The following BCKDHB variants were observed in gnomAD, a reference collection of about 807,000 sequenced individuals.
The protein encoded by BCKDHB is 2-oxoisovalerate dehydrogenase subunit beta, mitochondrial.
A neutral mutation model predicts 48.5 loss-of-function variants in BCKDHB; 41 were observed. The ratio of observed to expected loss-of-function variants is 0.85; its 90% CI spans 0.66 to 1.10. The LOEUF is 1.10. Ranked by LOEUF, BCKDHB falls within the 50% of genes least tolerant of loss-of-function variation. The pLI, the probability that BCKDHB is intolerant of heterozygous loss-of-function variation, is 0.00. For missense variants in BCKDHB, 496 were observed against 494.2 expected (o/e 1.00, Z -0.03); for synonymous variants, 201 against 174.8 (o/e 1.15, Z -1.18).
chr6:80,383,050 T>A, the BCKDHB span, among the ~76,000 whole-genome samples: 1 of 152,178 alleles, frequency 6.6e-6, no homozygotes, highest in East Asian at 1.9e-4. Context: ...TTGGCTCTGT[T>A]CCACATGTTC....
the BCKDHB span, among the ~76,000 whole-genome samples, chr6:80,421,086 C>T: frequency 6.6e-6 from 1 of 152,094 alleles, no homozygotes; most frequent in Non-Finnish European, 1.5e-5. Flanking sequence ...AATTGTAATT[C>T]CCACAAGTTG....
chr6:80,209,157 A>G (rs1050503105), intron 8 of BCKDHB, among the ~76,000 whole-genome samples: 1 of 151,938 alleles, frequency 6.6e-6, no homozygotes, highest in African/African-American at 2.4e-5. Context: ...ATGGAAGATA[A>G]TTATCTTACT....
intron 8 of BCKDHB, among the ~76,000 whole-genome samples, chr6:80,216,326 A>G (rs1029458395): frequency 2.6e-5 from 4 of 152,206 alleles, no homozygotes; most frequent in African/African-American, 7.2e-5. Flanking sequence ...ATATTTTATC[A>G]TATGTCAGGA....
chr6:80,439,377 A>G, the BCKDHB span, among the ~76,000 whole-genome samples: 2 of 152,244 alleles, frequency 1.3e-5, no homozygotes, highest in Non-Finnish European at 2.9e-5. Context: ...AGAAATTGAC[A>G]TATTCAAAAG....
intron 7 of BCKDHB, among the ~76,000 whole-genome samples, chr6:80,201,295 T>C (rs1415416633): frequency 1.3e-5 from 2 of 152,094 alleles, no homozygotes; most frequent in Non-Finnish European, 2.9e-5. Context: ...AATTAATGGA[T>C]CCATCACCAC....
At chr6:80,426,007 T>G in the BCKDHB span, among the ~76,000 whole-genome samples, 1 of 152,192 alleles carries the variant, frequency 6.6e-6, no homozygotes, top group African/African-American at 2.4e-5. Context: ...AGACTGAGCT[T>G]TTCCTCTCAA....
the BCKDHB span, among the ~76,000 whole-genome samples, chr6:80,399,317 G>A: frequency 1.3e-5 from 2 of 151,966 alleles, no homozygotes; most frequent in Middle Eastern, 3.4e-3. Flanking sequence ...CAAACTGTCC[G>A]TTTGCAAACA....
At chr6:80,412,604 C>A in the BCKDHB span, among the ~76,000 whole-genome samples, 1 of 152,032 alleles carries the variant, frequency 6.6e-6, no homozygotes, top group Non-Finnish European at 1.5e-5. Context: ...TATATACTTA[C>A]CTTCATCCAT....
At chr6:80,439,026 C>T in the BCKDHB span, among the ~76,000 whole-genome samples, 1 of 152,146 alleles carries the variant, frequency 6.6e-6, no homozygotes, top group Non-Finnish European at 1.5e-5. Flanking sequence ...CCTAATTGCT[C>T]CCTCATCCTC....
chr6:80,359,712 A>G, the BCKDHB span, among the ~76,000 whole-genome samples: 2 of 152,142 alleles, frequency 1.3e-5, no homozygotes, highest in African/African-American at 2.4e-5. Context: ...CTCCTGCCTC[A>G]GCCTCCTGAG....
the BCKDHB span, among the ~76,000 whole-genome samples, chr6:80,351,826 T>TTC: frequency 9.7e-6 from 1 of 102,588 alleles, no homozygotes; most frequent in Non-Finnish European, 2.1e-5. Flanking sequence ...CTTTCTTTCT[T>TTC]TTTTTTTTTT....
At chr6:80,144,252 C>T (rs931185732) in intron 3 of BCKDHB, among the ~76,000 whole-genome samples, 5 of 152,140 alleles carry the variant, frequency 3.3e-5, no homozygotes, top group African/African-American at 9.7e-5. Context: ...GAAAACTTAT[C>T]GTGTTCTTAA....
chr6:80,396,794 T>C, the BCKDHB span, among the ~76,000 whole-genome samples: 2 of 152,226 alleles, frequency 1.3e-5, no homozygotes, highest in Non-Finnish European at 2.9e-5. Context: ...CTTCCCCTTT[T>C]GTCATGATTG....
chr6:80,405,349 C>G, the BCKDHB span, among the ~76,000 whole-genome samples: 4 of 152,040 alleles, frequency 2.6e-5, no homozygotes, highest in African/African-American at 9.7e-5. Context: ...TAAGTATAGT[C>G]ACCCCTGCTC....
Position 80,245,375 on chromosome 6 carries a change from G to GA in BCKDHB, c.952-27750dup, listed in dbSNP as rs919118600. Among the ~76,000 whole-genome samples the GA allele has an allele frequency of 3.6e-4, 54 of 148,494 alleles. 1 individual carries two copies. The highest frequency in any genetic ancestry group is 6.7e-4 in the Admixed American group (10 of 14,862). On this transcript the variant is annotated intron_variant, in intron 8 of 9. Transcript: ENST00000320393. Reference sequence around the variant, plus strand: ...AAAATTCAAAAAAGGCTTTCAATAGGAAAAAAAAAATCCCCCAAAAGCTCA... The same window carrying GA: ...AAAATTCAAAAAAGGCTTTCAATAGGAAAAAAAAAAATCCCCCAAAAGCTCA...
At chr6:80,335,459 A>G (rs962489977) in intron 9 of BCKDHB, among the ~76,000 whole-genome samples, 15 of 151,954 alleles carry the variant, frequency 9.9e-5, no homozygotes, top group Admixed American at 9.8e-4. Flanking sequence ...GCTTTCTTCT[A>G]TAGGAAGAAT....
intron 3 of BCKDHB, among the ~76,000 whole-genome samples, chr6:80,136,212 A>G (rs762808848): frequency 2.0e-5 from 3 of 152,096 alleles, no homozygotes; most frequent in Non-Finnish European, 4.4e-5. Flanking sequence ...TTTTTTCAAA[A>G]CTTACTGCAA....
At chr6:80,298,395 C>A (rs532968057) in intron 9 of BCKDHB, among the ~76,000 whole-genome samples, 2 of 152,216 alleles carry the variant, frequency 1.3e-5, no homozygotes, top group Non-Finnish European at 2.9e-5. Context: ...AGGCATTAGC[C>A]ACCATGCCTG....
At chr6:80,350,132 C>T (rs1770351821), downstream of BCKDHB, among the ~76,000 whole-genome samples, 2 of 151,664 alleles carry the variant, frequency 1.3e-5, no homozygotes, top group African/African-American at 4.8e-5. Flanking sequence ...TAAAAAAGTA[C>T]CCCACTTAGA....
Sources: gnomAD v4.1 joint callset for allele counts (sites outside exome capture counted in the v4.1 genomes callset) on GRCh38, gnomAD v4.1.1 for gene constraint, MANE v1.5 for transcripts, NCBI Gene and HGNC (gene_info 2026-07-23, HGNC 2026-07-21) for gene names.